CDK13: variants seen among roughly 807,000 people sequenced by gnomAD.
CDK13 encodes cyclin dependent kinase 13.
In CDK13, 40 loss-of-function variants were observed where a neutral mutation model predicts 137.6. The observed-to-expected ratio is 0.29, with a 90% confidence interval of 0.23 to 0.38. The LOEUF (loss-of-function observed/expected upper bound fraction) is 0.38. CDK13 is among the 10% of genes least tolerant of loss of function. CDK13 has a pLI of 1.00. For missense variants in CDK13, 1,704 were observed against 1,951.8 expected (o/e 0.87, Z 2.39); for synonymous variants, 869 against 760.1 (o/e 1.14, Z -2.36).
At chr7:39,974,181 A>G (rs1215937814) in intron 1 of CDK13, among the ~76,000 whole-genome samples, 3 of 152,112 alleles carry the variant, frequency 2.0e-5, no homozygotes, top group Non-Finnish European at 2.9e-5. Context: ...TCACTACAGA[A>G]CTGCAATACA....
At chr7:40,053,418 T>G (rs1785937091) in intron 7 of CDK13, among the ~76,000 whole-genome samples, 1 of 152,206 alleles carries the variant, frequency 6.6e-6, no homozygotes, top group Non-Finnish European at 1.5e-5. Flanking sequence ...GGTTTTTCTG[T>G]CCTCTGGTCT....
At chr7:40,043,025 G>T (rs1348469563) in intron 5 of CDK13, among the ~76,000 whole-genome samples, 4 of 152,066 alleles carry the variant, frequency 2.6e-5, no homozygotes, top group South Asian at 4.1e-4. Flanking sequence ...CAGTCCTCTC[G>T]CCCCGATCTC....
chr7:40,069,512 G>A (rs777417399), intron 9 of CDK13: 41 of 308,714 alleles, frequency 1.3e-4, no homozygotes, highest in Non-Finnish European at 2.0e-4. Context: ...CATGCTTAGG[G>A]TTGTGAGAAT....
At position 39,950,779 on chromosome 7, in the gene CDK13, G is replaced by C; in HGVS notation, c.138G>C (p.Pro46=). The C allele has an allele frequency of 6.8e-7, 1 of 1,472,588 alleles. No homozygotes were observed. Among genetic ancestry groups the C allele is most frequent in the Non-Finnish European group, 8.9e-7 (1 of 1,119,294 alleles). 91.2% of individuals were successfully genotyped at this position (1,472,588 alleles called of 1,614,324 possible). The change falls in exon 1 of 14, where the codon CCG becomes CCC. Residue 46 remains proline, a synonymous_variant. Transcript: ENST00000181839. ...QPPLLLPLLQ[P]QLLQPPPPPP... ...CGCTGCTGTTGCCGCTCCTGCAGCC[G>C]CAGCTCCTGCAACCGCCGCCGCCCC...
chr7:40,024,663 T>C (rs1176017312), intron 5 of CDK13, among the ~76,000 whole-genome samples: 2 of 133,662 alleles, frequency 1.5e-5, no homozygotes, highest in East Asian at 4.3e-4. Flanking sequence ...TTTTTTTTTT[T>C]TTTTTTTTTT....
chr7:40,071,585 TTGAA>T (rs1786423248), intron 9 of CDK13: 2 of 152,240 alleles, frequency 1.3e-5, no homozygotes, highest in Admixed American at 6.5e-5. Flanking sequence ...GTCTTACACT[TTGAA>T]TGGATCTTTT....
At chr7:40,031,807 G>C (rs911674547) in intron 5 of CDK13, among the ~76,000 whole-genome samples, 1 of 143,744 alleles carries the variant, frequency 7.0e-6, no homozygotes. Context: ...CACCAAGCTC[G>C]GCTAATTTAT....
intron 5 of CDK13, among the ~76,000 whole-genome samples, chr7:40,004,763 A>G (rs1219585905): frequency 6.6e-6 from 1 of 152,260 alleles, no homozygotes; most frequent in Admixed American, 6.5e-5. Flanking sequence ...AAGTTAAACA[A>G]TGTAAATATG....
chr7:39,982,101 G>A (rs1784238879), intron 1 of CDK13, among the ~76,000 whole-genome samples: 1 of 150,058 alleles, frequency 6.7e-6, no homozygotes, highest in Non-Finnish European at 1.5e-5. Context: ...TGCCATGCTG[G>A]TGTGCTGTAC....
chr7:40,072,799 G>A (rs903633672), intron 9 of CDK13: 1 of 152,106 alleles, frequency 6.6e-6, no homozygotes, highest in Non-Finnish European at 1.5e-5. Flanking sequence ...AGGCTTGGAT[G>A]GTATTCTTCC....
rs1226637292 is a variant in CDK13 at position 40,045,901 on chromosome 7, G to A, written c.2419G>A (p.Val807Ile). The A allele has an allele frequency of 6.2e-7, 1 of 1,613,198 alleles. No individual in the cohort carries two copies. The highest frequency in any genetic ancestry group is 8.5e-7 in the Non-Finnish European group (1 of 1,179,350). ...GATGGGACTACTGGAATCAGGCTTGGTTCATTTTAATGAAAATCACATAAA... is the reference window on the plus strand; with the variant it reads ...GATGGGACTACTGGAATCAGGCTTGATTCATTTTAATGAAAATCACATAAA... Reference protein sequence around the residue: ...DLMGLLESGLVHFNENHIKSF... With the variant: ...DLMGLLESGLIHFNENHIKSF... The change falls in exon 6 of 14, where the codon GTT becomes ATT. Residue 807 changes from valine (V) to isoleucine (I), a missense_variant. By Grantham distance (29) the Val-to-Ile change is conservative. Transcript: ENST00000181839.
chr7:40,026,821 A>C (rs769908075), intron 5 of CDK13, among the ~76,000 whole-genome samples: 111 of 152,312 alleles, frequency 7.3e-4, no homozygotes, highest in African/African-American at 2.5e-3. Flanking sequence ...ACTGTGGTGT[A>C]GTTAAAGTTG....
In CDK13 at chr7:39,988,118, A is replaced by T; in HGVS notation, c.1731A>T (p.Ser577=). The change falls in exon 2 of 14, where the codon TCA becomes TCT. Residue 577 remains serine, a synonymous_variant. Transcript: ENST00000181839. ...AATCTGCTGCTACAAAGGAGGAATC[A>T]GTATCTCTTAAAGAGAAAACCAAAC... ...ESKSAATKEE[S]VSLKEKTKPL... The T allele has an allele frequency of 1.2e-6, 2 of 1,614,158 alleles. No individual in the cohort carries two copies. Among genetic ancestry groups the T allele is most frequent in the Non-Finnish European group, 1.7e-6 (2 of 1,180,026 alleles).
intron 5 of CDK13, among the ~76,000 whole-genome samples, chr7:40,030,513 A>G (rs968878087): frequency 7.7e-5 from 11 of 142,298 alleles, no homozygotes; most frequent in African/African-American, 2.6e-4. Context: ...GCTCACTGCA[A>G]CCTCAGCCTC....
Position 40,055,156 on chromosome 7 carries a change from CTGTGTGTG to C in CDK13, c.2600+7313_2600+7320del, listed in dbSNP as rs56001601. On this transcript the variant is annotated intron_variant, in intron 7 of 13. Transcript: ENST00000181839. ...GTTTTCCAATTTAATGGCAGAAGGA[CTGTGTGTG>C]TGTGTGTGTGTGTGTGTGTGTGTGT... Among the ~76,000 whole-genome samples the C allele has an allele frequency of 3.7e-3, 522 of 140,434 alleles. 2 individuals carry two copies. Among genetic ancestry groups the C allele is most frequent in the African/African-American group, 0.012 (467 of 37,474 alleles). 92.1% of individuals were successfully genotyped at this position (140,434 alleles called of 152,430 possible). A position where few individuals can be genotyped will look rare whatever the true frequency, so the allele number is the denominator to read the frequency against.
At chr7:39,989,086 C>CAA (rs1213730855) in intron 2 of CDK13, among the ~76,000 whole-genome samples, 474 of 46,444 alleles carry the variant, frequency 0.01, 16 homozygotes, top group African/African-American at 0.021. Flanking sequence ...CGTGTCTCAC[C>CAA]AAAAAAAAAA....
At chr7:40,037,006 G>C (rs920381769) in intron 5 of CDK13, among the ~76,000 whole-genome samples, 1 of 152,124 alleles carries the variant, frequency 6.6e-6, no homozygotes, top group Non-Finnish European at 1.5e-5. Flanking sequence ...ATTTATAGTA[G>C]CTCTTCTTGC....
chr7:40,028,912 C>T (rs556104011), intron 5 of CDK13, among the ~76,000 whole-genome samples: 2 of 151,596 alleles, frequency 1.3e-5, no homozygotes, highest in Non-Finnish European at 2.9e-5. Flanking sequence ...CCAGTGTTAA[C>T]AGCTTAGTAT....
At chr7:39,999,631 G>GT (rs1189083581) in intron 4 of CDK13, 131 bp downstream of exon 4, 4 of 901,122 alleles carry the variant, frequency 4.4e-6, no homozygotes, top group African/African-American at 3.4e-5. Flanking sequence ...GTTTCATCTT[G>GT]TTTTTTTATT....
Sources: allele counts gnomAD v4.1 joint callset (sites outside exome capture counted in the v4.1 genomes callset), GRCh38; gene constraint gnomAD v4.1.1; transcripts MANE v1.5; gene names NCBI Gene and HGNC (gene_info 2026-07-23, HGNC 2026-07-21).